The following EVX1 variants were observed in gnomAD, a reference collection of about 807,000 sequenced individuals.
The protein encoded by EVX1 is even-skipped homeobox 1.
A neutral mutation model predicts 28.6 loss-of-function variants in EVX1; 19 were observed. That is an observed-to-expected ratio of 0.67 (90% CI 0.46 to 0.98). The LOEUF is 0.98. EVX1 is among the 50% of genes least tolerant of loss of function. The pLI, the probability that EVX1 is intolerant of heterozygous loss-of-function variation, is 0.00. For synonymous variants in EVX1, 324 were observed against 278.2 expected (o/e 1.16, Z -1.64); for missense variants, 660 against 583.0 (o/e 1.13, Z -1.36).
Position 27,243,259 on chromosome 7 carries a change from G to A in EVX1, c.229G>A (p.Ala77Thr), listed in dbSNP as rs1267877755. 4.5e-6 allele frequency: 7 copies of A among 1,544,054 alleles called. No individual in the cohort carries two copies. The highest frequency in any genetic ancestry group is 1.2e-5 in the South Asian group (1 of 83,998). The change falls in exon 1 of 3, where the codon GCG (alanine) becomes ACG (threonine). Residue 77 changes from alanine (A) to threonine (T), a missense_variant. Transcript: ENST00000496902. ...EEPVDGLAGS[A>T]AGPGAEPQVA... ...GCCGGTAGATGGACTCGCAGGCAGC[G>A]CGGCGGGGCCGGGCGCCGAGCCCCA... is the stretch of plus-strand genomic sequence containing the variant.
In EVX1 at chr7:27,246,221, C is replaced by T. The variant is rs758781357; in HGVS notation, c.1020C>T (p.Gly340=). 5.9e-6 allele frequency: 9 copies of T among 1,514,608 alleles called. No homozygotes were observed. The highest frequency in any genetic ancestry group is 7.9e-6 in the Non-Finnish European group (9 of 1,140,170). The allele number at this position is 1,514,608 out of a possible 1,614,324, so 93.8% of individuals were successfully genotyped here. A position where few individuals can be genotyped will look rare whatever the true frequency, so the allele number is the denominator to read the frequency against. Residue 340 remains glycine (G), a synonymous_variant, in exon 3 of 3, where the codon GGC becomes GGT. Transcript: ENST00000496902. ...ACCCCGGGCCCGCGCACGGACTGGG[C>T]GCCTCTGCCGGCGGCCCCTGCTCCT... The part of the protein sequence containing the change: ...PLYPGPAHGL[G]ASAGGPCSCL...
chr7:27,245,973 T>C lies in EVX1; in HGVS notation c.772T>C (p.Tyr258His). 1 of 1,607,116 alleles carries C rather than the reference T, an allele frequency of 6.2e-7. No individual in the cohort carries two copies. Among genetic ancestry groups the C allele is most frequent in the Non-Finnish European group, 8.5e-7 (1 of 1,179,778 alleles). ...CCCGGCGGACCCCGCCTTCTACACT[T>C]ACATGATGAGCCATGCGGCGGCCGC... ...PHPADPAFYT[Y>H]MMSHAAAAGG... Residue 258 changes from tyrosine to histidine, a missense_variant, in exon 3 of 3, where the codon TAC becomes CAC. By Grantham distance (83) the Tyr-to-His change is moderately conservative. Transcript: ENST00000496902.
Position 27,245,996 on chromosome 7 carries a change from C to G in EVX1, c.795C>G (p.Ala265=), listed in dbSNP as rs778913136. The change falls in exon 3 of 3, where the codon GCC becomes GCG. Residue 265 remains alanine, a synonymous_variant. Transcript: ENST00000496902. ...CTTACATGATGAGCCATGCGGCGGC[C>G]GCGGGCGGCCTGCCCTACCCCTTCC... ...FYTYMMSHAA[A]AGGLPYPFPS... 1.2e-5 allele frequency: 19 copies of G among 1,601,984 alleles called. No individual in the cohort carries two copies. Among genetic ancestry groups the G allele is most frequent in the Middle Eastern group, 1.6e-4 (1 of 6,078 alleles).
rs752497574 is a variant in EVX1, at chr7:27,243,202, C to T, written c.172C>T (p.Arg58Trp). 6.4e-7 allele frequency: 1 copy of T among 1,558,156 alleles called. No individual in the cohort carries two copies. The highest frequency in any genetic ancestry group is 1.9e-5 in the Admixed American group (1 of 51,752). The stretch of plus-strand genomic sequence containing the variant: ...CCCTCGGGCCGTCCCTCCGGCCACC[C>T]GGGAGCGCGGCGGGGGAGGCCCGGA... ...LSPRAVPPAT[R>W]ERGGGGPEEE... is the part of the protein sequence containing the mutation. The change falls in exon 1 of 3, where the codon CGG becomes TGG. Residue 58 changes from arginine to tryptophan, a missense_variant. Transcript: ENST00000496902.
intron 1 of EVX1, chr7:27,244,601 G>T (rs17473004): frequency 0.016 from 9,496 of 592,640 alleles, 218 homozygotes; most frequent in African/African-American, 0.085. Flanking sequence ...CACCTGTTCT[G>T]GCAGCCCGTC....
chr7:27,246,554 GA>G lies in EVX1; in HGVS notation c.*133del. On this transcript the variant is annotated 3_prime_UTR_variant, in exon 3 of 3. Coordinates refer to ENST00000496902, the MANE Select transcript of EVX1 (RefSeq NM_001989.5). ...ACGCCAAGGGGGAAAGGAGAGGGCG[GA>G]AAAGGACCAGCGGGATCCGGCCGCA... The G allele has an allele frequency of 3.0e-6, 3 of 985,708 alleles. No homozygotes were observed. The highest frequency in any genetic ancestry group is 2.9e-6 in the Non-Finnish European group (2 of 686,396). 61.1% of individuals were successfully genotyped at this position (985,708 alleles called of 1,614,324 possible). A position where few individuals can be genotyped will look rare whatever the true frequency, so the allele number is the denominator to read the frequency against.
chr7:27,246,424 A>G lies in EVX1; in HGVS notation c.1223A>G (p.Ter408=), dbSNP rs780330462. The G allele has an allele frequency of 3.1e-6, 5 of 1,592,666 alleles. No homozygotes were observed. The highest frequency in any genetic ancestry group is 1.9e-4 in the Middle Eastern group (1 of 5,196). ...DQREEVPLTR[*] The stretch of plus-strand genomic sequence containing the variant: ...AGGGAGGAGGTGCCCCTCACTAGAT[A>G]AGGGGCCGCCGGCTGGCTGCCGGCT... Residue 408 remains the stop codon, a stop_retained_variant, in exon 3 of 3, where the codon TAA becomes TGA. Transcript: ENST00000496902.
chr7:27,244,615 C>CA (rs528920129), intron 1 of EVX1: 344 of 486,502 alleles, frequency 7.1e-4, no homozygotes, highest in African/African-American at 6.7e-3. Flanking sequence ...GCCCGTCACA[C>CA]ATAAGAGCAA....
At position 27,242,990 on chromosome 7, in the gene EVX1, C is replaced by G; in HGVS notation, c.-41C>G. ...AGACCCAGGGAGCCGGGGTTAGGAA[C>G]TCACTTGGGGCTTTCCCCTCCCCCA... On this transcript the variant is annotated 5_prime_UTR_variant, in exon 1 of 3. Coordinates refer to ENST00000496902, the MANE Select transcript of EVX1 (RefSeq NM_001989.5). The G allele has an allele frequency of 2.0e-6, 3 of 1,472,898 alleles. No homozygotes were observed. The highest frequency in any genetic ancestry group is 2.7e-6 in the Non-Finnish European group (3 of 1,110,938). 91.2% of individuals were successfully genotyped at this position (1,472,898 alleles called of 1,614,324 possible).
In EVX1 at chr7:27,243,594, T is replaced by C. The variant is rs1230246640; in HGVS notation, c.427+137T>C. 3.2e-6 allele frequency: 3 copies of C among 932,062 alleles called. No homozygotes were observed. The African/African-American group carries it at 5.2e-5, about 16-fold the overall frequency. 57.7% of individuals were successfully genotyped at this position (932,062 alleles called of 1,614,324 possible). On this transcript the variant is annotated intron_variant, in intron 1 of 2. Coordinates refer to ENST00000496902, the MANE Select transcript of EVX1 (RefSeq NM_001989.5). ...CCCACCTGAGCAACTCTCTCTGCTA[T>C]CTGCGTTCTGGCGGGGGTCTCCTAC... is the stretch of plus-strand genomic sequence containing the variant.
At position 27,243,086 on chromosome 7, in the gene EVX1, T is replaced by A; in HGVS notation, c.56T>A (p.Leu19Gln). 6.2e-7 allele frequency: 1 copy of A among 1,612,256 alleles called. No individual in the cohort carries two copies. The highest frequency in any genetic ancestry group is 8.5e-7 in the Non-Finnish European group (1 of 1,179,300). The change falls in exon 1 of 3, where the codon CTG becomes CAG. Residue 19 changes from leucine (L) to glutamine (Q), a missense_variant. By Grantham distance (113) the Leu-to-Gln change is moderately radical (BLOSUM62 -2). Around this residue, in one of 3 missense-constraint regions of EVX1, gnomAD observed 308 missense variants for 256.6 expected, o/e 1.20. Coordinates refer to ENST00000496902, the MANE Select transcript of EVX1 (RefSeq NM_001989.5). ...VFLDGGQLGT[L>Q]VGKRVSNLSE... Reference sequence around the variant, plus strand: ...CTGGATGGGGGTCAGCTTGGCACTCTGGTTGGCAAGAGAGTCTCAAATTTG... The same window carrying A: ...CTGGATGGGGGTCAGCTTGGCACTCAGGTTGGCAAGAGAGTCTCAAATTTG...
intron 2 of EVX1, among the ~76,000 whole-genome samples, chr7:27,245,617 C>T (rs915144778): frequency 6.6e-6 from 1 of 152,208 alleles, no homozygotes; most frequent in Non-Finnish European, 1.5e-5. Flanking sequence ...CCTTTCACTG[C>T]TCCTCCCATA....
In EVX1 at chr7:27,243,323, C is replaced by A; in HGVS notation, c.293C>A (p.Ala98Asp). The change falls in exon 1 of 3, where the codon GCC becomes GAC. Residue 98 changes from alanine (A) to aspartate (D), a missense_variant. Ala to Asp is a moderately radical substitution (Grantham distance 126). Transcript: ENST00000496902. Reference sequence around the variant, plus strand: ...GCCATGCTCGGCCCAGGACCCCCGGCCCCCTCAGTCGACAGCCTCTCCGGA... The same window carrying A: ...GCCATGCTCGGCCCAGGACCCCCGGACCCCTCAGTCGACAGCCTCTCCGGA... ...GAAMLGPGPP[A>D]PSVDSLSGQG... 6.3e-7 allele frequency: 1 copy of A among 1,588,146 alleles called. No homozygotes were observed. Among genetic ancestry groups the A allele is most frequent in the South Asian group, 1.1e-5 (1 of 88,240 alleles).
In EVX1 at chr7:27,245,088, G is replaced by C. The variant is rs138158968; in HGVS notation, c.468G>C (p.Gly156=). The C allele has an allele frequency of 1.1e-5, 17 of 1,612,778 alleles. No homozygotes were observed. The African/African-American group carries it at 1.3e-4, about 13-fold the overall frequency. The change falls in exon 2 of 3, where the codon GGG becomes GGC. Residue 156 remains glycine (G), a synonymous_variant. Coordinates refer to ENST00000496902, the MANE Select transcript of EVX1 (RefSeq NM_001989.5). ...CGCTGGTCGGCAGTCCGAACGGAGG[G>C]AGCGAGACCCCCAAGAGCAACGGCG... The part of the protein sequence containing the change: ...SEALVGSPNG[G]SETPKSNGGS...
chr7:27,243,005 C>T lies in EVX1; in HGVS notation c.-26C>T. On this transcript the variant is annotated 5_prime_UTR_variant, in exon 1 of 3. Coordinates refer to ENST00000496902, the MANE Select transcript of EVX1 (RefSeq NM_001989.5). ...GGGTTAGGAACTCACTTGGGGCTTT[C>T]CCCTCCCCCACCGGAGAGCCCCGGG... 6.6e-7 allele frequency: 1 copy of T among 1,525,084 alleles called. No individual in the cohort carries two copies. Among genetic ancestry groups the T allele is most frequent in the Non-Finnish European group, 8.8e-7 (1 of 1,136,030 alleles). The allele number at this position is 1,525,084 out of a possible 1,614,324, so 94.5% of individuals were successfully genotyped here. A position where few individuals can be genotyped will look rare whatever the true frequency, so the allele number is the denominator to read the frequency against.
At position 27,246,354 on chromosome 7, in the gene EVX1, G is replaced by C; in HGVS notation, c.1153G>C (p.Ala385Pro). ...TSRSDSFLTF[A>P]PSVLSKASSV... ...CCGCTCGGACTCCTTCCTCACCTTC[G>C]CGCCCTCGGTGCTCAGCAAGGCCTC... The change falls in exon 3 of 3, where the codon GCG becomes CCG. Residue 385 changes from alanine to proline, a missense_variant. Coordinates refer to ENST00000496902, the MANE Select transcript of EVX1 (RefSeq NM_001989.5). The C allele has an allele frequency of 6.2e-7, 1 of 1,601,846 alleles. No homozygotes were observed. Among genetic ancestry groups the C allele is most frequent in the Non-Finnish European group, 8.5e-7 (1 of 1,178,528 alleles).
rs1419062932 is a variant in EVX1 at position 27,247,478 on chromosome 7, T to G, written c.*1053T>G. On this transcript the variant is annotated 3_prime_UTR_variant, in exon 3 of 3. Coordinates refer to ENST00000496902, the MANE Select transcript of EVX1 (RefSeq NM_001989.5). The stretch of plus-strand genomic sequence containing the variant: ...GAACTTTCTGGCCCTACCCTTTGCA[T>G]TGGGTATTTTACAACTTTCTCTCAT... 1 of 152,140 alleles carries G rather than the reference T, an allele frequency of 6.6e-6. No individual in the cohort carries two copies. Among genetic ancestry groups the G allele is most frequent in the African/African-American group, 2.4e-5 (1 of 41,438 alleles). The allele number at this position is 152,140 out of a possible 1,614,324, so 9.4% of individuals were successfully genotyped here.
In EVX1 at chr7:27,243,472, C is replaced by T. The variant is rs1050773381; in HGVS notation, c.427+15C>T. ...GCACAGCAAAGGTAGCCACCGTGCC[C>T]CTCCGCTCCCCGGGCCTCCCACTGC... On this transcript the variant is annotated intron_variant, in intron 1 of 2. Coordinates refer to ENST00000496902, the MANE Select transcript of EVX1 (RefSeq NM_001989.5). 1.3e-6 allele frequency: 2 copies of T among 1,557,194 alleles called. No homozygotes were observed. Among genetic ancestry groups the T allele is most frequent in the Non-Finnish European group, 8.7e-7 (1 of 1,154,952 alleles).
Position 27,246,084 on chromosome 7 carries a change from G to C in EVX1, c.883G>C (p.Ala295Pro), listed in dbSNP as rs1355063675. The C allele has an allele frequency of 4.5e-6, 7 of 1,570,538 alleles. No individual in the cohort carries two copies. Among genetic ancestry groups the C allele is most frequent in the Non-Finnish European group, 6.0e-6 (7 of 1,167,268 alleles). The change falls in exon 3 of 3, where the codon GCC (alanine) becomes CCC (proline). Residue 295 changes from alanine (A) to proline (P), a missense_variant. Coordinates refer to ENST00000496902, the MANE Select transcript of EVX1 (RefSeq NM_001989.5). ...CCTGGGCGCCGCATCCGCCGCCTCC[G>C]CCGCCGCCTCGCCCTTCAGCGGCTC... Reference protein sequence around the residue: ...VGLGAASAASAAASPFSGSLR... With the variant: ...VGLGAASAASPAASPFSGSLR...
Sources: allele counts gnomAD v4.1 joint callset (sites outside exome capture counted in the v4.1 genomes callset), GRCh38; gene constraint gnomAD v4.1.1; regional missense constraint gnomAD v4.1.1; transcripts MANE v1.5; gene names NCBI Gene and HGNC (gene_info 2026-07-23, HGNC 2026-07-21).